Variants in CFAP46 observed in about 807,000 individuals in gnomAD.
CFAP46 encodes cilia and flagella associated protein 46.
A neutral mutation model predicts 325.7 loss-of-function variants in CFAP46; 245 were observed. The observed-to-expected ratio is 0.75, with a 90% CI of 0.68 to 0.84. The LOEUF (loss-of-function observed/expected upper bound fraction) is 0.84, where lower values mean the gene tolerates loss of function less well. CFAP46 is among the 40% of genes least tolerant of loss of function. The probability of loss-of-function intolerance (pLI) is 0.00; values close to 1 mark genes in which losing one functional copy is unlikely to be tolerated. For missense variants in CFAP46, 3,346 were observed against 3,543.0 expected (o/e 0.94, Z 1.41); for synonymous variants, 1,523 against 1,495.9 (o/e 1.02, Z -0.42).
At chr10:132,833,919 C>A in intron 49 of CFAP46, 122 bp downstream of exon 49, 1 of 852,814 alleles carries the variant, frequency 1.2e-6, no homozygotes, top group Admixed American at 2.0e-5. Context: ...AGCAGCAGGG[C>A]TTGTGGGACT....
At chr10:132,809,008 A>G (rs1847525052) in intron 57 of CFAP46, 104 bp from the exon 58 acceptor site, 2 of 1,161,094 alleles carry the variant, frequency 1.7e-6, no homozygotes, top group Non-Finnish European at 2.4e-6. Flanking sequence ...GCTCCAACTG[A>G]GGGCGCTCTG....
intron 9 of CFAP46, 101 bp downstream of exon 9, chr10:132,929,604 G>A (rs1382309929): frequency 6.3e-6 from 7 of 1,103,144 alleles, no homozygotes; most frequent in Non-Finnish European, 8.4e-6. Flanking sequence ...AAGCCCTGGG[G>A]GCCGTGGCCT....
At position 132,814,481 on chromosome 10, in the gene CFAP46, C is replaced by T. The variant is rs144790951; in HGVS notation, c.7285+96G>A. ...AGCACATATGCAGATTTCGGAGCCT[C>T]GAGGAGTGGGGCACCAGTTGCTGCC... On this transcript the variant is annotated intron_variant, in intron 53 of 57. Coordinates refer to ENST00000368586, the MANE Select transcript of CFAP46 (RefSeq NM_001200049.3). 7.6e-4 allele frequency: 1,106 copies of T among 1,456,718 alleles called. 9 individuals carry two copies. The African/African-American group carries it at 7.8e-3, about 10-fold the overall frequency. The allele number at this position is 1,456,718 out of a possible 1,614,324, so 90.2% of individuals were successfully genotyped here.
chr10:132,842,568 G>A (rs192492856), intron 44 of CFAP46, among the ~76,000 whole-genome samples: 5 of 152,152 alleles, frequency 3.3e-5, no homozygotes, highest in South Asian at 2.1e-4. Flanking sequence ...CAGTTCCATA[G>A]CTGCTTCCAT....
At chr10:132,929,434 G>A (rs370121069) in intron 9 of CFAP46, 42 of 701,228 alleles carry the variant, frequency 6.0e-5, no homozygotes, top group African/African-American at 5.6e-4. Context: ...GAAATTTTAC[G>A]CCGTCCGTAA....
At position 132,912,799 on chromosome 10, in the gene CFAP46, C is replaced by T. The variant is rs1017473077; in HGVS notation, c.2355G>A (p.Thr785=). The change falls in exon 19 of 58, where the codon ACG becomes ACA. Residue 785 remains threonine (T), a synonymous_variant. Transcript: ENST00000368586. Reference sequence around the variant, plus strand: ...GGCCTCGCGCCAAGGTGTTGCAGAGCGTCACCAGCATCACGGGGTCCCTGG... The same window carrying T: ...GGCCTCGCGCCAAGGTGTTGCAGAGTGTCACCAGCATCACGGGGTCCCTGG... ...GHSGDPVMLV[T]LCNTLARGLI... is the part of the protein sequence containing the mutation. 1.3e-5 allele frequency: 20 copies of T among 1,549,208 alleles called. No homozygotes were observed. The highest frequency in any genetic ancestry group is 2.7e-5 in the African/African-American group (2 of 73,024).
chr10:132,930,871 C>T (rs1402698395), intron 8 of CFAP46, among the ~76,000 whole-genome samples: 1 of 106,060 alleles, frequency 9.4e-6, no homozygotes, highest in Non-Finnish European at 1.9e-5. Context: ...CTTCCCCACA[C>T]TCCCCACGCA....
At chr10:132,822,805 A>C (rs1473198441) in intron 50 of CFAP46, among the ~76,000 whole-genome samples, 3 of 91,368 alleles carry the variant, frequency 3.3e-5, no homozygotes, top group Admixed American at 2.6e-4. Context: ...GTGTGTGCTG[A>C]TGTGTGCTGT....
In CFAP46 at chr10:132,851,971, G is replaced by A. The variant is rs111890183; in HGVS notation, c.5575-666C>T. Among the ~76,000 whole-genome samples, 841 of 149,932 alleles carry A rather than the reference G, an allele frequency of 5.6e-3. 10 individuals carry two copies. Among genetic ancestry groups the A allele is most frequent in the South Asian group, 0.02 (88 of 4,510 alleles). On this transcript the variant is annotated intron_variant, in intron 39 of 57. Coordinates refer to ENST00000368586, the MANE Select transcript of CFAP46 (RefSeq NM_001200049.3). ...CGTGGTATGTTCCTCCATTTACTTA[G>A]GAATTCTCAGATCCTGATCCACAGA... is the stretch of plus-strand genomic sequence containing the variant.
chr10:132,915,110 T>C (rs949304643), intron 17 of CFAP46, among the ~76,000 whole-genome samples: 1 of 152,288 alleles, frequency 6.6e-6, no homozygotes, highest in African/African-American at 2.4e-5. Context: ...AAGCTCCATA[T>C]AGTCTTCACT....
At chr10:132,888,351 CCCTGCCGCCTGCA>C (rs1278088334) in intron 25 of CFAP46, among the ~76,000 whole-genome samples, 11 of 103,864 alleles carry the variant, frequency 1.1e-4, no homozygotes, top group African/African-American at 2.6e-4. Context: ...CCACCTTCAC[CCCTGCCGCCTGCA>C]CCTGCCACCT....
Position 132,919,488 on chromosome 10 carries a change from T to C in CFAP46, c.1731-46A>G, listed in dbSNP as rs1283383048. 6.6e-7 allele frequency: 1 copy of C among 1,514,296 alleles called. No homozygotes were observed. Among genetic ancestry groups the C allele is most frequent in the East Asian group, 2.5e-5 (1 of 39,908 alleles). The allele number at this position is 1,514,296 out of a possible 1,614,324, so 93.8% of individuals were successfully genotyped here. On this transcript the variant is annotated intron_variant, in intron 14 of 57. Transcript: ENST00000368586. The surrounding 1 kb of genome is among the most constrained non-coding windows in gnomAD (Gnocchi z 9.7). ...CGAGTGAAAGGTGAGTAGACAAGTG[T>C]GGTTGCTGAAGTTAGAAAACACCTG...
chr10:132,909,834 CG>C, intron 20 of CFAP46, 84 bp downstream of exon 20: 1 of 1,299,352 alleles, frequency 7.7e-7, no homozygotes, highest in Non-Finnish European at 9.9e-7. Flanking sequence ...TAAGTGGTCC[CG>C]GGGGCCCCAC....
intron 50 of CFAP46, among the ~76,000 whole-genome samples, chr10:132,822,303 CTGTGTGCTGTGTGTGTGGTGA>C (rs1420877541): frequency 1.7e-3 from 157 of 90,204 alleles, no homozygotes; most frequent in African/African-American, 5.6e-3. Context: ...GATGTGTGCA[CTGTGTGCTGTGTGTGTGGTGA>C]TGTGTGCTGT....
chr10:132,821,287 T>C, intron 50 of CFAP46, among the ~76,000 whole-genome samples: 1 of 132,178 alleles, frequency 7.6e-6, no homozygotes, highest in African/African-American at 3.0e-5. Flanking sequence ...TGAGTGCTGA[T>C]GTGTGCTGTG....
At chr10:132,858,845 A>G (rs1166015362) in intron 38 of CFAP46, among the ~76,000 whole-genome samples, 1 of 152,122 alleles carries the variant, frequency 6.6e-6, no homozygotes, top group Non-Finnish European at 1.5e-5. Flanking sequence ...TGGGGCCAGA[A>G]GGAGGCCCTG....
intron 34 of CFAP46, 67 bp from the exon 35 acceptor site, chr10:132,866,238 G>A: frequency 7.1e-7 from 1 of 1,408,940 alleles, no homozygotes; most frequent in South Asian, 1.6e-5. Context: ...TCACGGGACA[G>A]GCTCTGGCTC....
At chr10:132,811,782 C>T (rs1452012688) in intron 55 of CFAP46, among the ~76,000 whole-genome samples, 1 of 152,240 alleles carries the variant, frequency 6.6e-6, no homozygotes, top group Non-Finnish European at 1.5e-5. Flanking sequence ...CTTCCAGCAC[C>T]TCTGATGGCC....
chr10:132,833,736 G>C (rs1477979408), intron 49 of CFAP46, among the ~76,000 whole-genome samples: 1 of 152,226 alleles, frequency 6.6e-6, no homozygotes, highest in African/African-American at 2.4e-5. Flanking sequence ...CTTTTTGTTA[G>C]CAAGCACGTG....
Sources: allele counts gnomAD v4.1 joint callset (sites outside exome capture counted in the v4.1 genomes callset), GRCh38; gene constraint gnomAD v4.1.1; non-coding constraint Gnocchi (gnomAD v3.1); transcripts MANE v1.5; gene names NCBI Gene and HGNC (gene_info 2026-07-23, HGNC 2026-07-21).